Variants in KSR1 observed in about 807,000 individuals in gnomAD.
KSR1 encodes kinase suppressor of ras.
Under a neutral mutation model 92.9 loss-of-function variants are expected in KSR1, and 35 were observed. That is an observed-to-expected ratio of 0.38 (90% CI 0.29 to 0.50). KSR1 has a LOEUF of 0.50. KSR1 is among the 20% of genes least tolerant of loss of function. The pLI is 0.94. For missense variants in KSR1, 972 were observed against 1,158.5 expected (o/e 0.84, Z 2.34); for synonymous variants, 467 against 472.6 (o/e 0.99, Z 0.15).
chr17:27,595,936 C>G (rs118060647), intron 9 of KSR1, among the ~76,000 whole-genome samples: 4 of 152,304 alleles, frequency 2.6e-5, no homozygotes, highest in Non-Finnish European at 4.4e-5. Flanking sequence ...GGGCCCTTCT[C>G]CCCTGAGCTC....
intron 1 of KSR1, among the ~76,000 whole-genome samples, chr17:27,511,816 T>G (rs1173859176): frequency 6.6e-6 from 1 of 152,262 alleles, no homozygotes; most frequent in African/African-American, 2.4e-5. Context: ...TGTGATGAGC[T>G]GCAAGCATCC....
At chr17:27,581,857 G>A (rs913962841) in intron 3 of KSR1, among the ~76,000 whole-genome samples, 10 of 152,178 alleles carry the variant, frequency 6.6e-5, no homozygotes, top group Non-Finnish European at 1.0e-4. Flanking sequence ...CAGGATCATG[G>A]TAGGGGCAGC....
At chr17:27,585,749 C>T (rs2072944419) in intron 5 of KSR1, 88 bp downstream of exon 5, 7 of 721,320 alleles carry the variant, frequency 9.7e-6, no homozygotes, top group Non-Finnish European at 1.6e-5. Context: ...CTTTGACCCA[C>T]CTCTTAGCCC....
At chr17:27,540,799 G>A (rs781231264) in intron 1 of KSR1, among the ~76,000 whole-genome samples, 16 of 152,228 alleles carry the variant, frequency 1.1e-4, no homozygotes, top group Non-Finnish European at 1.8e-4. Context: ...TGCTATGGTC[G>A]CTGCGTGCCT....
chr17:27,486,606 A>T (rs1462754399), intron 1 of KSR1, among the ~76,000 whole-genome samples: 3 of 152,014 alleles, frequency 2.0e-5, no homozygotes, highest in Non-Finnish European at 4.4e-5. Flanking sequence ...AGCCCCGGGG[A>T]TGGGGTAGGG....
chr17:27,490,257 A>G (rs961785880), intron 1 of KSR1, among the ~76,000 whole-genome samples: 1 of 152,356 alleles, frequency 6.6e-6, no homozygotes, highest in East Asian at 1.9e-4. Flanking sequence ...AATGCTAGCT[A>G]TTATATGAGG....
At chr17:27,518,903 C>G (rs1299229928) in intron 1 of KSR1, among the ~76,000 whole-genome samples, 1 of 152,114 alleles carries the variant, frequency 6.6e-6, no homozygotes, top group Non-Finnish European at 1.5e-5. Context: ...CTGGCTGGTT[C>G]CTGGAGTAGG....
At position 27,617,408 on chromosome 17, in the gene KSR1, A is replaced by G; in HGVS notation, c.2607A>G (p.Gly869=). The G allele has an allele frequency of 6.2e-7, 1 of 1,611,830 alleles. No homozygotes were observed. The change falls in exon 19 of 21, where the codon GGA becomes GGG. Residue 869 remains glycine (G), a synonymous_variant. Transcript: ENST00000644974. ...TGAACCGGCGGCTCTCCCACCCTGGACACTTCTGGAAGTCAGCTGAGTAAG... is the reference window on the plus strand; with the variant it reads ...TGAACCGGCGGCTCTCCCACCCTGGGCACTTCTGGAAGTCAGCTGAGTAAG... ...PKLNRRLSHP[G]HFWKSADRWR...
At chr17:27,494,394 G>A (rs572696810) in intron 1 of KSR1, among the ~76,000 whole-genome samples, 1 of 152,306 alleles carries the variant, frequency 6.6e-6, no homozygotes, top group East Asian at 1.9e-4. Flanking sequence ...GAAGGGAACA[G>A]CAGGTGGCAG....
At position 27,608,879 on chromosome 17, in the gene KSR1, C is replaced by A. The variant is rs57784157; in HGVS notation, c.2092-317C>A. On this transcript the variant is annotated intron_variant, in intron 15 of 20. Transcript: ENST00000644974. ...CACTGATAAATCTCACTGTCCCTGA[C>A]CCCCCGGCTCCCTGCCCATCACCCT... Among the ~76,000 whole-genome samples, 495 of 152,272 alleles carry A rather than the reference C, an allele frequency of 3.3e-3. 7 individuals are homozygous for A. Among genetic ancestry groups the A allele is most frequent in the African/African-American group, 0.011 (470 of 41,552 alleles).
intron 7 of KSR1, among the ~76,000 whole-genome samples, chr17:27,591,905 C>A (rs527459047): frequency 5.5e-4 from 84 of 152,344 alleles, no homozygotes; most frequent in African/African-American, 1.8e-3. Flanking sequence ...CCGGGGCTGA[C>A]CCTCAGACCT....
chr17:27,607,984 A>T lies in KSR1; in HGVS notation c.2065A>T (p.Arg689Trp). The T allele has an allele frequency of 6.2e-7, 1 of 1,609,948 alleles. No homozygotes were observed. The highest frequency in any genetic ancestry group is 8.5e-7 in the Non-Finnish European group (1 of 1,178,164). Residue 689 changes from arginine (R) to tryptophan (W), a missense_variant, in exon 15 of 21, where the codon AGG (arginine) becomes TGG (tryptophan). Physicochemically the swap from Arg to Trp is moderately radical, Grantham distance 101. This residue lies in a region of KSR1 where 260 missense variants were observed against 375.2 expected (regional missense o/e 0.69). Coordinates refer to ENST00000644974, the MANE Select transcript of KSR1 (RefSeq NM_001394583.1). ...PKTSLDINKT[R>W]QIAQEIIKGM... ...GACGTCTCTGGACATCAACAAGACG[A>T]GGCAAATCGCTCAGGAGATCATCAA...
intron 18 of KSR1, among the ~76,000 whole-genome samples, chr17:27,613,556 T>C (rs2151255719): frequency 6.6e-6 from 1 of 152,310 alleles, no homozygotes; most frequent in South Asian, 2.1e-4. Context: ...CCCCAGTGCA[T>C]GTGGGTCTCC....
chr17:27,603,341 C>CAGGTG (rs1184084882), intron 11 of KSR1, among the ~76,000 whole-genome samples: 1 of 152,242 alleles, frequency 6.6e-6, no homozygotes, highest in Non-Finnish European at 1.5e-5. Context: ...TATCAGCCAC[C>CAGGTG]AGGTGTCGCT....
intron 1 of KSR1, among the ~76,000 whole-genome samples, chr17:27,500,120 A>T (rs2069124812): frequency 1.3e-5 from 2 of 152,128 alleles, no homozygotes; most frequent in Admixed American, 1.3e-4. Flanking sequence ...GGTCTGGGGG[A>T]GCTGAGCCAG....
chr17:27,508,771 C>T (rs1293358920), intron 1 of KSR1, among the ~76,000 whole-genome samples: 1 of 148,724 alleles, frequency 6.7e-6, no homozygotes, highest in Admixed American at 6.7e-5. Context: ...GCTCTGTTGC[C>T]CAGGCTGGAG....
Position 27,617,351 on chromosome 17 carries a change from G to A in KSR1, c.2550G>A (p.Leu850=). The A allele has an allele frequency of 6.2e-7, 1 of 1,612,814 alleles. No individual in the cohort carries two copies. Among genetic ancestry groups the A allele is most frequent in the Non-Finnish European group, 8.5e-7 (1 of 1,179,358 alleles). ...TGCAGGAGAGACCCAGCTTCAGCCT[G>A]CTGATGGACATGCTGGAGAAACTTC... ...FDLQERPSFS[L]LMDMLEKLPK... The change falls in exon 19 of 21, where the codon CTG becomes CTA. Residue 850 remains leucine (L), a synonymous_variant. Transcript: ENST00000644974.
chr17:27,608,001 G>A lies in KSR1; in HGVS notation c.2082G>A (p.Glu694=). 2 of 1,606,204 alleles carry A rather than the reference G, an allele frequency of 1.2e-6. No homozygotes were observed. Among genetic ancestry groups the A allele is most frequent in the Non-Finnish European group, 8.5e-7 (1 of 1,176,090 alleles). ...DINKTRQIAQ[E]IIKGMGYLHA... is the part of the protein sequence containing the mutation. ...ACAAGACGAGGCAAATCGCTCAGGA[G>A]ATCATCAAGGTGAGGGGGTGCCCAG... The change falls in exon 15 of 21, where the codon GAG becomes GAA. Residue 694 remains glutamate (E), a synonymous_variant. Coordinates refer to ENST00000644974, the MANE Select transcript of KSR1 (RefSeq NM_001394583.1).
chr17:27,603,436 C>G (rs2073637749), intron 11 of KSR1, among the ~76,000 whole-genome samples: 1 of 152,254 alleles, frequency 6.6e-6, no homozygotes, highest in Non-Finnish European at 1.5e-5. Flanking sequence ...TGCAAGCAGC[C>G]CCTGCTTCCA....
Sources: allele counts gnomAD v4.1 joint callset (sites outside exome capture counted in the v4.1 genomes callset), GRCh38; gene constraint gnomAD v4.1.1; regional missense constraint gnomAD v4.1.1; transcripts MANE v1.5; gene names NCBI Gene and HGNC (gene_info 2026-07-23, HGNC 2026-07-21).